PARL: variants seen among roughly 807,000 people sequenced by gnomAD.
The protein encoded by PARL is presenilin associated rhomboid like, also known as presenilin-associated rhomboid-like protein, mitochondrial.
PARL carries 44 observed loss-of-function variants against 51.6 expected under a neutral mutation model. That is an observed-to-expected ratio of 0.85 (90% confidence interval 0.67 to 1.10). The LOEUF (loss-of-function observed/expected upper bound fraction) is 1.10, where lower values mean the gene tolerates loss of function less well. Among genes scored for constraint, PARL ranks in the 50% least tolerant of loss-of-function variants. The probability of loss-of-function intolerance (pLI) is 0.00; values close to 1 mark genes in which losing one functional copy is unlikely to be tolerated. For synonymous variants in PARL, 172 were observed against 164.0 expected (o/e 1.05, Z -0.37); for missense variants, 441 against 469.5 (o/e 0.94, Z 0.56).
At chr3:183,884,688 A>G in intron 1 of PARL, 34 bp downstream of exon 1, 1 of 1,575,838 alleles carries the variant, frequency 6.3e-7, no homozygotes, top group Non-Finnish European at 8.6e-7. Flanking sequence ...TCAGGGACCA[A>G]GAGGCGAGAA....
intron 1 of PARL, among the ~76,000 whole-genome samples, chr3:183,871,158 G>A (rs1274244313): frequency 6.6e-6 from 1 of 152,122 alleles, no homozygotes; most frequent in Non-Finnish European, 1.5e-5. Context: ...GTAACTCAAA[G>A]TAAGATGGTA....
At chr3:183,872,417 T>C (rs1038095733) in intron 1 of PARL, among the ~76,000 whole-genome samples, 6 of 152,198 alleles carry the variant, frequency 3.9e-5, no homozygotes, top group Admixed American at 3.3e-4. Flanking sequence ...TACTTCCAAA[T>C]AAGTGATATT....
intron 5 of PARL, chr3:183,843,146 A>G (rs1310732415): frequency 3.2e-6 from 3 of 935,912 alleles, no homozygotes; most frequent in Admixed American, 6.2e-5. Context: ...AGCCTCCCCA[A>G]GTGCTGGGAT....
In PARL at chr3:183,867,962, T is replaced by C. The variant is rs1210361102; in HGVS notation, c.224A>G (p.Lys75Arg). The change falls in exon 2 of 10, where the codon AAG becomes AGG. Residue 75 changes from lysine to arginine, a missense_variant. By Grantham distance (26) the Lys-to-Arg change is conservative. Coordinates refer to ENST00000317096, the MANE Select transcript of PARL (RefSeq NM_018622.7). ...SDPGTSGEAY[K>R]RSALIPPVEE... Reference sequence around the variant, plus strand: ...CACAGGAGGAATCAAAGCACTTCTCTTGTATGCTTCACCACTTGTCCCTGG... The same window carrying C: ...CACAGGAGGAATCAAAGCACTTCTCCTGTATGCTTCACCACTTGTCCCTGG... 6.2e-7 allele frequency: 1 copy of C among 1,613,786 alleles called. No individual in the cohort carries two copies. Among genetic ancestry groups the C allele is most frequent in the Admixed American group, 1.7e-5 (1 of 60,022 alleles).
chr3:183,883,469 A>C, intron 1 of PARL: 1 of 286,338 alleles, frequency 3.5e-6, no homozygotes, highest in Non-Finnish European at 5.2e-6. Flanking sequence ...GGGGTTTTGC[A>C]ATGTTGGCCA....
chr3:183,857,728 C>T (rs909103931), intron 4 of PARL, among the ~76,000 whole-genome samples: 1 of 152,234 alleles, frequency 6.6e-6, no homozygotes. Flanking sequence ...TTTACAATGA[C>T]AAAATCTAGT....
chr3:183,847,513 A>G (rs1439748791), intron 4 of PARL, among the ~76,000 whole-genome samples: 4 of 152,094 alleles, frequency 2.6e-5, no homozygotes, highest in Admixed American at 6.6e-5. Flanking sequence ...GCAGTGAGCC[A>G]AAATTGCACC....
At chr3:183,830,128 G>T (rs1577264493) in intron 9 of PARL, among the ~76,000 whole-genome samples, 1 of 152,140 alleles carries the variant, frequency 6.6e-6, no homozygotes, top group Non-Finnish European at 1.5e-5. Context: ...ACTGACTCAG[G>T]ATGGCTATCC....
intron 7 of PARL, among the ~76,000 whole-genome samples, chr3:183,835,651 G>A (rs1728487278): frequency 6.6e-6 from 1 of 152,158 alleles, no homozygotes; most frequent in Non-Finnish European, 1.5e-5. Context: ...TGGATCACCT[G>A]AGGTCAGGAG....
intron 7 of PARL, among the ~76,000 whole-genome samples, chr3:183,838,050 C>G (rs2108598220): frequency 7.0e-6 from 1 of 142,496 alleles, no homozygotes; most frequent in South Asian, 2.2e-4. Context: ...GAGATGGGGT[C>G]TCGCTATGTT....
At chr3:183,871,763 G>C (rs771352596) in intron 1 of PARL, among the ~76,000 whole-genome samples, 78 of 152,258 alleles carry the variant, frequency 5.1e-4, no homozygotes, top group Non-Finnish European at 9.8e-4. Flanking sequence ...TTGCTGGGAT[G>C]ACGGCCATCT....
intron 6 of PARL, among the ~76,000 whole-genome samples, chr3:183,841,165 G>A (rs933089832): frequency 7.9e-5 from 12 of 152,132 alleles, no homozygotes; most frequent in Non-Finnish European, 1.5e-4. Context: ...ACAACAGACT[G>A]GATGATCCCG....
chr3:183,844,360 A>G, intron 4 of PARL, 34 bp from the exon 5 acceptor site: 1 of 1,343,132 alleles, frequency 7.4e-7, no homozygotes, highest in Non-Finnish European at 1.1e-6. Flanking sequence ...TAGGGAGGTT[A>G]AAAATGAAAG....
intron 7 of PARL, among the ~76,000 whole-genome samples, chr3:183,838,793 TATAAG>T (rs1486373077): frequency 1.3e-5 from 2 of 152,226 alleles, no homozygotes; most frequent in Admixed American, 1.3e-4. Context: ...GTTTCTTATC[TATAAG>T]ATGAGGACAA....
intron 1 of PARL, among the ~76,000 whole-genome samples, chr3:183,870,252 T>C (rs892373714): frequency 1.4e-5 from 2 of 146,758 alleles, no homozygotes; most frequent in African/African-American, 2.6e-5. Flanking sequence ...CACTCCAGCA[T>C]AGGTGACAGA....
At chr3:183,879,662 A>G (rs1188611700) in intron 1 of PARL, 17 of 704,450 alleles carry the variant, frequency 2.4e-5, no homozygotes, top group Non-Finnish European at 2.8e-5. Context: ...TAGTATGTTT[A>G]TTACATATTA....
chr3:183,848,433 G>A (rs1379103406), intron 4 of PARL, among the ~76,000 whole-genome samples: 6 of 152,140 alleles, frequency 3.9e-5, no homozygotes, highest in African/African-American at 9.7e-5. Context: ...AGTAGAGACC[G>A]GGTTTCACCA....
chr3:183,882,362 CAT>C (rs576585524), intron 1 of PARL, among the ~76,000 whole-genome samples: 1 of 142,094 alleles, frequency 7.0e-6, no homozygotes, highest in Admixed American at 7.5e-5. Context: ...CATATATGCA[CAT>C]ATATACACAC....
intron 4 of PARL, among the ~76,000 whole-genome samples, chr3:183,858,814 C>T (rs528655482): frequency 1.3e-5 from 2 of 152,144 alleles, no homozygotes; most frequent in East Asian, 1.9e-4. Flanking sequence ...TTATACTCCC[C>T]GCTTGCCCCA....
Sources: gnomAD v4.1 joint callset for allele counts (sites outside exome capture counted in the v4.1 genomes callset) on GRCh38, gnomAD v4.1.1 for gene constraint, MANE v1.5 for transcripts, NCBI Gene and HGNC (gene_info 2026-07-23, HGNC 2026-07-21) for gene names.